Variants in FRMPD4 observed in about 807,000 individuals in gnomAD.
FRMPD4 encodes the protein FERM and PDZ domain containing 4.
A neutral mutation model predicts 94.1 loss-of-function variants in FRMPD4; 22 were observed. The observed-to-expected ratio is 0.23, with a 90% CI of 0.17 to 0.33. FRMPD4 has a LOEUF of 0.33. Ranked by LOEUF, FRMPD4 falls within the 10% of genes least tolerant of loss-of-function variation. The probability of loss-of-function intolerance (pLI) is 1.00; values close to 1 mark genes in which losing one functional copy is unlikely to be tolerated. For missense variants in FRMPD4, 1,111 were observed against 1,339.9 expected (o/e 0.83, Z 2.67); for synonymous variants, 631 against 548.6 (o/e 1.15, Z -2.10).
rs1286292410 is a variant in FRMPD4 at position 12,649,582 on chromosome X, T to C, written c.423-25281T>C. 2.7e-5 allele frequency among the ~76,000 whole-genome samples: 3 copies of C among 112,036 alleles called. No homozygotes were observed. In the East Asian group the frequency reaches 8.4e-4, roughly 31 times the overall value. On this transcript the variant is annotated intron_variant, in intron 4 of 16. Coordinates refer to ENST00000675598, the MANE Select transcript of FRMPD4 (RefSeq NM_001368397.1). ...GTAAATGAGAAGATATGAGGATTTC[T>C]TCTGGCACCTGGATTCAAAGTATTT...
chrX:12,168,622 CTTT>C (rs35114337), intron 1 of FRMPD4, among the ~76,000 whole-genome samples: 1 of 70,165 alleles, frequency 1.4e-5, no homozygotes, highest in African/African-American at 5.6e-5. Context: ...GACACTGACC[CTTT>C]TTTTTTTTTT....
intron 1 of FRMPD4, among the ~76,000 whole-genome samples, chrX:12,441,772 T>C: frequency 8.9e-6 from 1 of 112,232 alleles, no homozygotes; most frequent in Non-Finnish European, 1.9e-5. Flanking sequence ...ACTAAGGCTG[T>C]CACAATGATA....
At chrX:12,110,309 A>C (rs1205572125) in intron 3 of FRMPD4, among the ~76,000 whole-genome samples, 5 of 112,562 alleles carry the variant, frequency 4.4e-5, no homozygotes, top group African/African-American at 9.7e-5. Flanking sequence ...ACAGAACCAA[A>C]GACAAAAACC....
chrX:12,615,336 T>A (rs1299619156), intron 4 of FRMPD4, among the ~76,000 whole-genome samples: 2 of 112,530 alleles, frequency 1.8e-5, no homozygotes, highest in Non-Finnish European at 3.8e-5. Context: ...AAATTTGAGA[T>A]TATCAACTGT....
At chrX:12,333,245 T>A (rs2055460531) in intron 1 of FRMPD4, among the ~76,000 whole-genome samples, 1 of 111,888 alleles carries the variant, frequency 8.9e-6, no homozygotes, top group Admixed American at 9.5e-5. Flanking sequence ...GACAGGCAAT[T>A]ATGTGCTTGA....
At chrX:11,853,070 C>G (rs2053634478) in intron 1 of FRMPD4, among the ~76,000 whole-genome samples, 1 of 112,065 alleles carries the variant, frequency 8.9e-6, no homozygotes, top group Non-Finnish European at 1.9e-5. Flanking sequence ...ACAGTGCAAT[C>G]AAATTTGAAA....
chrX:12,678,242 C>G (rs768867877), intron 5 of FRMPD4, among the ~76,000 whole-genome samples: 3 of 112,451 alleles, frequency 2.7e-5, no homozygotes, highest in Non-Finnish European at 5.6e-5. Context: ...TTCACATCGT[C>G]TTTATTGTTT....
rs142894238 is a variant in FRMPD4, at chrX:12,579,110, A to G, written c.159-30611A>G. Among the ~76,000 whole-genome samples, 384 of 112,476 alleles carry G rather than the reference A, an allele frequency of 3.4e-3. 6 individuals are homozygous for G. In the East Asian group the frequency reaches 0.051, roughly 15 times the overall value. On this transcript the variant is annotated intron_variant, in intron 2 of 16. Coordinates refer to ENST00000675598, the MANE Select transcript of FRMPD4 (RefSeq NM_001368397.1). ...CATCCAAGGTATAGAAATGCCTGGA[A>G]TAACTATCTCCCACCCTAACACTAA...
chrX:12,201,925 A>T (rs943348103), intron 1 of FRMPD4, among the ~76,000 whole-genome samples: 1 of 111,112 alleles, frequency 9.0e-6, no homozygotes, highest in Admixed American at 9.5e-5. Context: ...TTCTTCCAGA[A>T]TTGTTTGCCT....
intron 1 of FRMPD4, among the ~76,000 whole-genome samples, chrX:12,454,605 A>AAAAG (rs1286021379): frequency 9.1e-6 from 1 of 110,382 alleles, no homozygotes; most frequent in Non-Finnish European, 1.9e-5. Flanking sequence ...GTTTACAACA[A>AAAAG]AAAGAGAGAA....
At chrX:12,379,352 A>G (rs2056287192) in intron 1 of FRMPD4, among the ~76,000 whole-genome samples, 2 of 112,274 alleles carry the variant, frequency 1.8e-5, no homozygotes, top group African/African-American at 3.2e-5. Context: ...TGCATTAAAA[A>G]TAGAAGGATA....
intron 1 of FRMPD4, among the ~76,000 whole-genome samples, chrX:12,336,886 G>A (rs1313145284): frequency 9.0e-6 from 1 of 111,470 alleles, no homozygotes; most frequent in Non-Finnish European, 1.9e-5. Flanking sequence ...TGATGAAGAA[G>A]AGCAATGGAG....
chrX:11,853,665 A>G (rs1255594153), intron 1 of FRMPD4, among the ~76,000 whole-genome samples: 1 of 111,690 alleles, frequency 9.0e-6, no homozygotes, highest in African/African-American at 3.3e-5. Context: ...ACACCCTCCC[A>G]ATAAAGAAAC....
intron 1 of FRMPD4, among the ~76,000 whole-genome samples, chrX:12,356,028 C>T (rs2055889931): frequency 9.0e-6 from 1 of 111,425 alleles, no homozygotes; most frequent in Non-Finnish European, 1.9e-5. Context: ...CAAAGAGGAT[C>T]TTATTGTGTA....
At chrX:12,076,410 T>G (rs2147478180) in intron 3 of FRMPD4, among the ~76,000 whole-genome samples, 1 of 109,102 alleles carries the variant, frequency 9.2e-6, no homozygotes, top group East Asian at 2.9e-4. Flanking sequence ...TATCCTGACC[T>G]GTTGCCAGGG....
At chrX:12,289,235 T>A (rs1405886932) in intron 1 of FRMPD4, among the ~76,000 whole-genome samples, 1 of 111,573 alleles carries the variant, frequency 9.0e-6, no homozygotes, top group Non-Finnish European at 1.9e-5. Flanking sequence ...AATATGATAG[T>A]GTTGTTATTT....
chrX:12,621,926 G>GAGAA (rs1175875921), intron 4 of FRMPD4, among the ~76,000 whole-genome samples: 17 of 91,665 alleles, frequency 1.9e-4, no homozygotes, highest in South Asian at 5.9e-4. Context: ...GAAAGGAAGG[G>GAGAA]AGAAAGAAAG....
At chrX:12,258,737 A>G (rs1309712907) in intron 1 of FRMPD4, among the ~76,000 whole-genome samples, 2 of 111,767 alleles carry the variant, frequency 1.8e-5, no homozygotes, top group Non-Finnish European at 3.8e-5. Flanking sequence ...ATTTTAATAC[A>G]TGTATACAAT....
chrX:12,707,285 C>T (rs916992161), intron 12 of FRMPD4, among the ~76,000 whole-genome samples, 184 bp from the exon 13 acceptor site: 28 of 112,410 alleles, frequency 2.5e-4, no homozygotes, highest in African/African-American at 8.4e-4. Context: ...TCTAATTACT[C>T]ATGATTTATC....
Sources: gnomAD v4.1 joint callset for allele counts (sites outside exome capture counted in the v4.1 genomes callset) on GRCh38, gnomAD v4.1.1 for gene constraint, MANE v1.5 for transcripts, NCBI Gene and HGNC (gene_info 2026-07-23, HGNC 2026-07-21) for gene names.